The following HDAC4 variants were observed in gnomAD, a reference collection of about 807,000 sequenced individuals.
The protein encoded by HDAC4 is histone deacetylase 4, also known as histone deacetylase A.
A neutral mutation model predicts 135.1 loss-of-function variants in HDAC4; 16 were observed. The ratio of observed to expected loss-of-function variants is 0.12; its 90% CI spans 0.08 to 0.18. The LOEUF is 0.18. HDAC4 is among the 10% of genes least tolerant of loss of function. The pLI is 1.00. For missense variants in HDAC4, 1,143 were observed against 1,511.8 expected (o/e 0.76, Z 4.05); for synonymous variants, 685 against 653.4 (o/e 1.05, Z -0.74).
rs1395343617 is a variant in HDAC4, at chr2:239,146,843, T to C, written c.734-2129A>G. 2.7e-5 allele frequency among the ~76,000 whole-genome samples: 4 copies of C among 149,552 alleles called. No homozygotes were observed. The highest frequency in any genetic ancestry group is 5.9e-5 in the Non-Finnish European group (4 of 67,464). On this transcript the variant is annotated intron_variant, in intron 7 of 26. Coordinates refer to ENST00000543185, the MANE Select transcript of HDAC4 (RefSeq NM_001378414.1). The surrounding 1 kb of genome is among the most constrained non-coding windows in gnomAD (Gnocchi z 4.5). ...CTTCCTCACAGCAGCCTTCTCACCA[T>C]CTGGAATTCTTCTGTCCCCTCACCT...
At chr2:239,062,552 A>C (rs2032910644) in intron 24 of HDAC4, among the ~76,000 whole-genome samples, 1 of 152,272 alleles carries the variant, frequency 6.6e-6, no homozygotes, top group South Asian at 2.1e-4. Context: ...CGCATCAGGA[A>C]GCAAGAACAG....
At chr2:239,175,600 A>G (rs945007095) in intron 5 of HDAC4, among the ~76,000 whole-genome samples, 4 of 152,238 alleles carry the variant, frequency 2.6e-5, no homozygotes, top group African/African-American at 9.6e-5. Context: ...ACAGAAGGCA[A>G]AATTCAGAGT....
intron 1 of HDAC4, among the ~76,000 whole-genome samples, chr2:239,356,731 C>T (rs1429615879): frequency 6.6e-6 from 1 of 152,120 alleles, no homozygotes; most frequent in Non-Finnish European, 1.5e-5. Flanking sequence ...ATTTATGCAC[C>T]TGTTGGCAGG....
intron 1 of HDAC4, among the ~76,000 whole-genome samples, chr2:239,382,023 T>TGATACA (rs1461823218): frequency 6.6e-6 from 1 of 152,160 alleles, no homozygotes; most frequent in East Asian, 1.9e-4. Flanking sequence ...AAGCCAACAG[T>TGATACA]GATACAGATC....
chr2:239,181,436 A>C (rs1168549781), intron 4 of HDAC4, among the ~76,000 whole-genome samples: 1 of 152,248 alleles, frequency 6.6e-6, no homozygotes, highest in Non-Finnish European at 1.5e-5. Context: ...CACGCCCGGC[A>C]GCAGCGTGTG....
At chr2:239,064,504 G>A (rs1177076503) in intron 24 of HDAC4, among the ~76,000 whole-genome samples, 1 of 152,198 alleles carries the variant, frequency 6.6e-6, no homozygotes, top group Non-Finnish European at 1.5e-5. Flanking sequence ...CAGAAGGGGA[G>A]GGAGGAAGGT....
intron 2 of HDAC4, among the ~76,000 whole-genome samples, chr2:239,283,016 C>T (rs1270183023): frequency 6.6e-6 from 1 of 151,642 alleles, no homozygotes; most frequent in African/African-American, 2.4e-5. Context: ...CCACTCTACA[C>T]ACAATGTACA....
At chr2:239,179,276 CA>C (rs1174446665) in intron 4 of HDAC4, among the ~76,000 whole-genome samples, 3 of 152,234 alleles carry the variant, frequency 2.0e-5, no homozygotes, top group Non-Finnish European at 4.4e-5. Flanking sequence ...CCCTCTACGA[CA>C]GGGGTCCCCA....
intron 2 of HDAC4, among the ~76,000 whole-genome samples, chr2:239,278,232 G>A (rs1028358300): frequency 6.6e-6 from 1 of 152,072 alleles, no homozygotes; most frequent in African/African-American, 2.4e-5. Context: ...AGCCAAGTGG[G>A]GGTGACTTCA....
intron 19 of HDAC4, among the ~76,000 whole-genome samples, chr2:239,084,871 C>T (rs1362865426): frequency 4.0e-5 from 6 of 150,670 alleles, no homozygotes; most frequent in Non-Finnish European, 5.9e-5. Flanking sequence ...CCCACAGATA[C>T]GCCCATACCC....
intron 2 of HDAC4, among the ~76,000 whole-genome samples, chr2:239,329,808 G>A (rs1691437218): frequency 6.6e-6 from 1 of 152,142 alleles, no homozygotes; most frequent in South Asian, 2.1e-4. Context: ...CTCCGTGCCT[G>A]CCTCACTGGA....
chr2:239,072,992 C>T (rs893698574), intron 22 of HDAC4, among the ~76,000 whole-genome samples: 11 of 152,196 alleles, frequency 7.2e-5, no homozygotes, highest in African/African-American at 1.9e-4. Flanking sequence ...TGGGAGCACG[C>T]GGTGCCTGAT....
At chr2:239,355,229 T>C (rs1229409039) in intron 1 of HDAC4, among the ~76,000 whole-genome samples, 2 of 152,220 alleles carry the variant, frequency 1.3e-5, no homozygotes, top group African/African-American at 4.8e-5. Context: ...TTCAATTATG[T>C]CACTGATTAT....
chr2:239,066,134 C>T (rs1278413952), intron 24 of HDAC4, among the ~76,000 whole-genome samples: 1 of 152,218 alleles, frequency 6.6e-6, no homozygotes, highest in African/African-American at 2.4e-5. Context: ...GTGGCGCTCT[C>T]ACCCCGAGCC....
chr2:239,182,971 T>A (rs2044248443), intron 4 of HDAC4, among the ~76,000 whole-genome samples: 1 of 152,246 alleles, frequency 6.6e-6, no homozygotes, highest in Non-Finnish European at 1.5e-5. Flanking sequence ...TGAGATGCGC[T>A]TATTTTTAAG....
chr2:239,274,688 C>G (rs911596733), intron 2 of HDAC4, among the ~76,000 whole-genome samples: 1 of 152,224 alleles, frequency 6.6e-6, no homozygotes. Flanking sequence ...CCCTCCACGG[C>G]GGGGCTCTCT....
intron 15 of HDAC4, among the ~76,000 whole-genome samples, chr2:239,104,311 C>T (rs1238378077): frequency 6.6e-6 from 1 of 152,202 alleles, no homozygotes; most frequent in Non-Finnish European, 1.5e-5. Context: ...TCACTGTAAC[C>T]TCCATCTCCC....
intron 2 of HDAC4, among the ~76,000 whole-genome samples, chr2:239,276,631 TGCTGCCTGGACACTGCCC>T (rs997928027): frequency 7.9e-5 from 12 of 152,124 alleles, no homozygotes; most frequent in East Asian, 1.9e-4. Flanking sequence ...GGACATTGCC[TGCTGCCTGGACACTGCCC>T]GCTGCCTGGA....
rs1032531935 is a variant in HDAC4 at position 239,051,497 on chromosome 2, G to A, written c.*1600C>T. The A allele has an allele frequency of 2.0e-5, 3 of 152,494 alleles. No individual in the cohort carries two copies. Among genetic ancestry groups the A allele is most frequent in the Non-Finnish European group, 4.4e-5 (3 of 68,032 alleles). The allele number at this position is 152,494 out of a possible 1,614,324, so 9.4% of individuals were successfully genotyped here. On this transcript the variant is annotated 3_prime_UTR_variant, in exon 27 of 27. Coordinates refer to ENST00000543185, the MANE Select transcript of HDAC4 (RefSeq NM_001378414.1). The stretch of plus-strand genomic sequence containing the variant: ...TTACCATTCAGAAAATTGCTAAATG[G>A]TGAGGAAAAATGTAAAATTCATAAA...
Sources: allele counts gnomAD v4.1 joint callset (sites outside exome capture counted in the v4.1 genomes callset), GRCh38; gene constraint gnomAD v4.1.1; non-coding constraint Gnocchi (gnomAD v3.1); transcripts MANE v1.5; gene names NCBI Gene and HGNC (gene_info 2026-07-23, HGNC 2026-07-21).